The following ENKUR variants were observed in gnomAD, a reference collection of about 807,000 sequenced individuals.
ENKUR encodes the protein enkurin, TRPC channel interacting protein, also known as enkurin.
A neutral mutation model predicts 27.6 loss-of-function variants in ENKUR; 19 were observed. The ratio of observed to expected loss-of-function variants is 0.69; its 90% CI spans 0.48 to 1.01. The LOEUF is 1.01. Ranked by LOEUF, ENKUR falls within the 50% of genes least tolerant of loss-of-function variation. ENKUR has a pLI of 0.00. For missense variants in ENKUR, 312 were observed against 310.5 expected (o/e 1.00, Z -0.04); for synonymous variants, 117 against 96.9 (o/e 1.21, Z -1.22).
At chr10:25,018,117 G>A (rs550627162), upstream of ENKUR, among the ~76,000 whole-genome samples, 7 of 152,262 alleles carry the variant, frequency 4.6e-5, no homozygotes, top group South Asian at 1.4e-3. Flanking sequence ...TATTTATTAT[G>A]CTTTAAAAAA....
At position 24,984,798 on chromosome 10, in the gene ENKUR, C is replaced by T. The variant is rs1480492522; in HGVS notation, c.702G>A (p.Met234Ile). ...KIRKQRLEEE[M>I]KQLEHDIGII... ...TGCCAATGTCGTGTTCTAGTTGTTT[C>T]ATTTCTTCTTCCAGCCTCTGCTTGC... Residue 234 changes from methionine (M) to isoleucine (I), a missense_variant, in exon 5 of 6, where the codon ATG (methionine) becomes ATA (isoleucine). Coordinates refer to ENST00000331161, the MANE Select transcript of ENKUR (RefSeq NM_145010.4). The T allele has an allele frequency of 1.2e-6, 2 of 1,613,708 alleles. No individual in the cohort carries two copies. The highest frequency in any genetic ancestry group is 1.7e-6 in the Non-Finnish European group (2 of 1,179,918).
intron 5 of ENKUR, 113 bp downstream of exon 5, chr10:24,984,623 T>A: frequency 9.1e-7 from 1 of 1,097,150 alleles, no homozygotes; most frequent in Non-Finnish European, 1.3e-6. Context: ...TGATTAAGAC[T>A]ATTTTTATTC....
intron 2 of ENKUR, among the ~76,000 whole-genome samples, chr10:25,037,306 C>T (rs144895205): frequency 1.8e-4 from 27 of 152,190 alleles, no homozygotes; most frequent in Middle Eastern, 3.4e-3. Flanking sequence ...GGACATAGCA[C>T]GGACTTAAGA....
At chr10:25,026,579 C>T (rs962716665) in intron 2 of ENKUR, 1 of 165,874 alleles carries the variant, frequency 6.0e-6, no homozygotes, top group Admixed American at 6.5e-5. Flanking sequence ...AATTTGTATT[C>T]CTTTGTAGTA....
In ENKUR at chr10:24,984,385, A is replaced by G. The variant is rs1394929542; in HGVS notation, c.765-9T>C. 2.7e-6 allele frequency: 4 copies of G among 1,492,980 alleles called. No individual in the cohort carries two copies. The East Asian group carries it at 9.4e-5, about 35-fold the overall frequency. 92.5% of individuals were successfully genotyped at this position (1,492,980 alleles called of 1,614,324 possible). On this transcript the variant is annotated splice_polypyrimidine_tract_variant and intron_variant, in intron 5 of 5. Transcript: ENST00000331161. ...GCTGTTGGTATCATGCGCTGCAGAA[A>G]AAAAAAAAAAAAAGTGAAGTTCTGA...
intron 2 of ENKUR, among the ~76,000 whole-genome samples, chr10:25,057,507 A>G (rs1851275218): frequency 1.3e-5 from 2 of 152,042 alleles, no homozygotes; most frequent in Admixed American, 1.3e-4. Context: ...TTGGTGACCC[A>G]TTATTGAAAA....
chr10:25,015,970 AC>A lies in ENKUR; in HGVS notation c.-35del. 1 of 1,589,638 alleles carries A rather than the reference AC, an allele frequency of 6.3e-7. No individual in the cohort carries two copies. The highest frequency in any genetic ancestry group is 1.2e-5 in the South Asian group (1 of 86,122). Reference sequence around the variant, plus strand: ...AATGACTCCTTAAAAGCTACTCTCCACAACTTTTTTCTCCCTGTCCCAGTAT... The same window carrying A: ...AATGACTCCTTAAAAGCTACTCTCCAAACTTTTTTCTCCCTGTCCCAGTAT... On this transcript the variant is annotated 5_prime_UTR_variant, in exon 1 of 6. Transcript: ENST00000331161.
At chr10:25,020,270 A>ATATCTG (rs893036021), upstream of ENKUR, among the ~76,000 whole-genome samples, 1 of 137,272 alleles carries the variant, frequency 7.3e-6, no homozygotes, top group African/African-American at 2.5e-5. Context: ...ATCTATATCT[A>ATATCTG]TATCTATATA....
chr10:24,997,819 A>ATATATATATG (rs1554769683), intron 2 of ENKUR, among the ~76,000 whole-genome samples: 8 of 151,500 alleles, frequency 5.3e-5, no homozygotes, highest in African/African-American at 2.0e-4. Flanking sequence ...ATATATATAT[A>ATATATATATG]TATATATGTT....
chr10:24,990,596 G>A lies in ENKUR; in HGVS notation c.461C>T (p.Thr154Ile), dbSNP rs1355323806. Residue 154 changes from threonine (T) to isoleucine (I), a missense_variant, in exon 4 of 6, where the codon ACA becomes ATA. Coordinates refer to ENST00000331161, the MANE Select transcript of ENKUR (RefSeq NM_145010.4). ...GTTTCGCTTACATATGTATTCAGGTGTGACACCATAATCCTAAAAAGATTT... is the reference window on the plus strand; with the variant it reads ...GTTTCGCTTACATATGTATTCAGGTATGACACCATAATCCTAAAAAGATTT... ...KYINKKDYGV[T>I]PEYICKRNEE... 5.0e-6 allele frequency: 8 copies of A among 1,599,372 alleles called. No homozygotes were observed. The highest frequency in any genetic ancestry group is 6.8e-6 in the Non-Finnish European group (8 of 1,176,690).
At chr10:25,035,006 A>C (rs1432466853) in intron 2 of ENKUR, among the ~76,000 whole-genome samples, 2 of 152,222 alleles carry the variant, frequency 1.3e-5, no homozygotes, top group Non-Finnish European at 2.9e-5. Context: ...TATTTTAGGG[A>C]GAAAACAATC....
intron 2 of ENKUR, among the ~76,000 whole-genome samples, chr10:25,031,396 C>A: frequency 6.6e-6 from 1 of 152,078 alleles, no homozygotes; most frequent in East Asian, 1.9e-4. Context: ...TGGAAAGAGG[C>A]CTTAGAGGGT....
Position 24,990,576 on chromosome 10 carries a change from G to A in ENKUR, c.481C>T (p.Arg161Ter), listed in dbSNP as rs759631743. ...YGVTPEYICK[R>*]NEEIKKAQED... ...TGGGCTTTCTTTATTTCCTCGTTTC[G>A]CTTACATATGTATTCAGGTGTGACA... The change falls in exon 4 of 6, where the codon CGA becomes TGA. Residue 161 changes from arginine (R) to a stop codon, truncating the protein, a stop_gained. Coordinates refer to ENST00000331161, the MANE Select transcript of ENKUR (RefSeq NM_145010.4). LOFTEE classifies it high-confidence loss of function. The A allele has an allele frequency of 1.1e-5, 18 of 1,612,550 alleles. No individual in the cohort carries two copies. Among genetic ancestry groups the A allele is most frequent in the East Asian group, 2.2e-5 (1 of 44,854 alleles).
In ENKUR at chr10:24,984,215, A is replaced by C. The variant is rs61462347; in HGVS notation, c.*155T>G. 1 of 751,740 alleles carries C rather than the reference A, an allele frequency of 1.3e-6. No individual in the cohort carries two copies. Among genetic ancestry groups the C allele is most frequent in the South Asian group, 2.9e-5 (1 of 34,078 alleles). 46.6% of individuals were successfully genotyped at this position (751,740 alleles called of 1,614,324 possible). On this transcript the variant is annotated 3_prime_UTR_variant, in exon 6 of 6. Transcript: ENST00000331161. ...ATACTGAAAATATTTCTCACTGGGA[A>C]TAACTGCAAATGTCATGGGCCACAG...
chr10:25,027,540 A>C (rs78625066), intron 2 of ENKUR, among the ~76,000 whole-genome samples: 3 of 73,742 alleles, frequency 4.1e-5, no homozygotes, highest in East Asian at 1.7e-3. Context: ...CTCCGTCTCC[A>C]AAAAAAAAAA....
In ENKUR at chr10:25,023,931, C is replaced by T. The variant is rs756917117; in HGVS notation, c.38-28062G>A. 6.8e-6 allele frequency: 11 copies of T among 1,614,164 alleles called. No individual in the cohort carries two copies. In the East Asian group the frequency reaches 8.9e-5, roughly 13 times the overall value. Reference sequence around the variant, plus strand: ...CGGAAACATTCATTTCAACAAGACACGTTTGGCCTGAAGACTGTGAACAGA... The same window carrying T: ...CGGAAACATTCATTTCAACAAGACATGTTTGGCCTGAAGACTGTGAACAGA... On this transcript the variant is annotated intron_variant, in intron 2 of 5. Coordinates refer to the ENKUR transcript ENST00000615958.
intron 2 of ENKUR, among the ~76,000 whole-genome samples, chr10:24,998,751 G>A (rs946687029): frequency 4.0e-5 from 6 of 151,810 alleles, no homozygotes; most frequent in Admixed American, 3.9e-4. Flanking sequence ...CTCCATAACT[G>A]GGATCAAGTA....
chr10:25,059,593 C>T (rs1851303798), intron 2 of ENKUR, among the ~76,000 whole-genome samples: 1 of 151,736 alleles, frequency 6.6e-6, no homozygotes, highest in African/African-American at 2.4e-5. Context: ...AGCTCCAGCA[C>T]ACAGACCAGT....
At chr10:25,053,115 G>A (rs1385952925) in intron 2 of ENKUR, among the ~76,000 whole-genome samples, 1 of 151,570 alleles carries the variant, frequency 6.6e-6, no homozygotes, top group Non-Finnish European at 1.5e-5. Flanking sequence ...AATAAAATGG[G>A]AGGAAACTAA....
Sources: gnomAD v4.1 joint callset for allele counts (sites outside exome capture counted in the v4.1 genomes callset) on GRCh38, gnomAD v4.1.1 for gene constraint, MANE v1.5 for transcripts, NCBI Gene and HGNC (gene_info 2026-07-23, HGNC 2026-07-21) for gene names.